CSMD3: variants seen among roughly 807,000 people sequenced by gnomAD.
CSMD3 encodes the protein CUB and sushi domain-containing protein 3.
CSMD3 carries 177 observed loss-of-function variants against 435.2 expected under a neutral mutation model. The ratio of observed to expected loss-of-function variants is 0.41; its 90% CI spans 0.36 to 0.46. The LOEUF is 0.46. Ranked by LOEUF, CSMD3 falls within the 20% of genes least tolerant of loss-of-function variation. CSMD3 has a pLI of 0.34. For synonymous variants in CSMD3, 1,656 were observed against 1,520.5 expected, an observed-to-expected ratio of 1.09 and a Z score of -2.07; for missense variants, 4,265 against 4,504.6, an observed-to-expected ratio of 0.95 and a Z score of 1.52.
intron 4 of CSMD3, among the ~76,000 whole-genome samples, chr8:113,167,846 C>T (rs1159592908): frequency 1.3e-5 from 2 of 152,166 alleles, no homozygotes; most frequent in African/African-American, 2.4e-5. Context: ...CATTAAGAAA[C>T]TAGATCTCTA....
chr8:112,361,527 A>ATG (rs146526477), intron 38 of CSMD3, among the ~76,000 whole-genome samples: 58,762 of 136,952 alleles, frequency 0.43, 13,809 homozygotes, highest in Middle Eastern at 0.54. Flanking sequence ...GTAATTCTGA[A>ATG]TGTGTGTGTG....
intron 1 of CSMD3, among the ~76,000 whole-genome samples, chr8:113,372,993 T>A (rs1267681914): frequency 6.6e-6 from 1 of 151,310 alleles, no homozygotes; most frequent in East Asian, 1.9e-4. Context: ...TTTTAAAAAG[T>A]AAAAAATTTA....
intron 13 of CSMD3, 115 bp from the exon 14 acceptor site, chr8:112,690,165 A>T: frequency 1.3e-6 from 1 of 790,542 alleles, no homozygotes; most frequent in Non-Finnish European, 2.1e-6. Context: ...AACAAAAAAT[A>T]AATATATTCT....
intron 3 of CSMD3, among the ~76,000 whole-genome samples, chr8:113,253,613 G>T (rs1049814588): frequency 3.3e-5 from 5 of 151,800 alleles, no homozygotes; most frequent in Non-Finnish European, 7.4e-5. Flanking sequence ...AGGCCGAGGC[G>T]GGCAGATAAC....
At chr8:113,112,605 T>C (rs1307746426) in intron 4 of CSMD3, among the ~76,000 whole-genome samples, 1 of 151,220 alleles carries the variant, frequency 6.6e-6, no homozygotes, top group Non-Finnish European at 1.5e-5. Flanking sequence ...TGAGAAGTAG[T>C]CATGAGACCG....
intron 4 of CSMD3, among the ~76,000 whole-genome samples, chr8:113,173,382 C>T (rs996337813): frequency 1.3e-5 from 2 of 152,080 alleles, no homozygotes; most frequent in East Asian, 1.9e-4. Flanking sequence ...GGTGCAGTGG[C>T]GCGATCTCAG....
chr8:112,830,417 T>C (rs565986942), intron 11 of CSMD3, among the ~76,000 whole-genome samples: 2 of 152,302 alleles, frequency 1.3e-5, no homozygotes, highest in South Asian at 2.1e-4. Context: ...TTCAGCATTA[T>C]TTCTTGCTAA....
At chr8:113,158,145 T>C (rs1362350281) in intron 4 of CSMD3, among the ~76,000 whole-genome samples, 6 of 151,508 alleles carry the variant, frequency 4.0e-5, no homozygotes, top group Non-Finnish European at 7.4e-5. Flanking sequence ...ATAAGTCAGA[T>C]TTGTACTAAA....
In CSMD3 at chr8:112,503,981, A is replaced by C. The variant is rs1263559793; in HGVS notation, c.4896-4T>G. ...ATAGTTTGGTTCTATGCTAAAACTG[A>C]AAAAAAAAAGGAAAGAACAAAAGAA... On this transcript the variant is annotated splice_polypyrimidine_tract_variant and splice_region_variant and intron_variant, in intron 29 of 70. Coordinates refer to ENST00000297405, the MANE Select transcript of CSMD3 (RefSeq NM_198123.2). 10 of 1,402,996 alleles carry C rather than the reference A, an allele frequency of 7.1e-6. No individual in the cohort carries two copies. Among genetic ancestry groups the C allele is most frequent in the Non-Finnish European group, 9.8e-6 (10 of 1,017,162 alleles). 86.9% of individuals were successfully genotyped at this position (1,402,996 alleles called of 1,614,324 possible).
intron 13 of CSMD3, among the ~76,000 whole-genome samples, chr8:112,714,295 AC>A (rs2076676047): frequency 6.7e-6 from 1 of 150,072 alleles, no homozygotes; most frequent in Non-Finnish European, 1.5e-5. Context: ...GACAAAACAG[AC>A]TTTTAACCAT....
intron 32 of CSMD3, among the ~76,000 whole-genome samples, chr8:112,422,793 A>C (rs1387733471): frequency 1.3e-5 from 2 of 152,192 alleles, no homozygotes; most frequent in Non-Finnish European, 2.9e-5. Context: ...AATCAAATTA[A>C]CCACTTATTG....
At chr8:112,968,300 T>G (rs1199830406) in intron 7 of CSMD3, among the ~76,000 whole-genome samples, 1 of 151,890 alleles carries the variant, frequency 6.6e-6, no homozygotes, top group Non-Finnish European at 1.5e-5. Context: ...ATAATATTTC[T>G]CTATAGAATC....
chr8:112,537,770 A>T (rs1826267517), intron 27 of CSMD3, among the ~76,000 whole-genome samples: 1 of 151,976 alleles, frequency 6.6e-6, no homozygotes, highest in Non-Finnish European at 1.5e-5. Context: ...TCAGGAACGA[A>T]TGGATTCACT....
chr8:113,364,817 C>A (rs189089577), intron 1 of CSMD3, among the ~76,000 whole-genome samples: 1 of 151,982 alleles, frequency 6.6e-6, no homozygotes, highest in East Asian at 1.9e-4. Context: ...TAGAAAGATA[C>A]CAAAACATGT....
intron 61 of CSMD3, among the ~76,000 whole-genome samples, chr8:112,257,630 G>A (rs1046722987): frequency 5.3e-5 from 8 of 152,158 alleles, no homozygotes; most frequent in Admixed American, 2.0e-4. Context: ...GGAAATCAGA[G>A]AGGACACAAA....
At chr8:113,306,208 C>T (rs72670752) in intron 2 of CSMD3, among the ~76,000 whole-genome samples, 4,342 of 152,098 alleles carry the variant, frequency 0.029, 87 homozygotes, top group Non-Finnish European at 0.04. Flanking sequence ...CAGCTATACA[C>T]GCAATCACTC....
intron 11 of CSMD3, among the ~76,000 whole-genome samples, chr8:112,847,823 G>A (rs2080369164): frequency 6.6e-6 from 1 of 152,158 alleles, no homozygotes; most frequent in South Asian, 2.1e-4. Flanking sequence ...TTACAGGTGA[G>A]TTCAAGAGTG....
intron 27 of CSMD3, among the ~76,000 whole-genome samples, chr8:112,525,998 A>G (rs1389299467): frequency 4.7e-5 from 7 of 147,982 alleles, no homozygotes; most frequent in Admixed American, 4.1e-4. Flanking sequence ...TTAATATTGT[A>G]CAGTGTTTGA....
chr8:112,755,339 A>ATAATAATAC (rs1554671605), intron 13 of CSMD3, among the ~76,000 whole-genome samples: 2 of 119,362 alleles, frequency 1.7e-5, no homozygotes, highest in Non-Finnish European at 3.4e-5. Flanking sequence ...TCAAATAATA[A>ATAATAATAC]TAATAATAAT....
Sources: gnomAD v4.1 joint callset for allele counts (sites outside exome capture counted in the v4.1 genomes callset) on GRCh38, gnomAD v4.1.1 for gene constraint, MANE v1.5 for transcripts, NCBI Gene and HGNC (gene_info 2026-07-23, HGNC 2026-07-21) for gene names.